Variants in ASNS observed in about 807,000 individuals in gnomAD.
The protein encoded by ASNS is asparagine synthetase (glutamine-hydrolyzing).
A neutral mutation model predicts 62.6 loss-of-function variants in ASNS; 37 were observed. The observed-to-expected ratio is 0.59, with a 90% CI of 0.45 to 0.78. The LOEUF is 0.78. Among genes scored for constraint, ASNS ranks in the 30% least tolerant of loss-of-function variants. The pLI is 0.00. For missense variants in ASNS, 520 were observed against 682.4 expected (o/e 0.76, Z 2.65); for synonymous variants, 207 against 237.9 (o/e 0.87, Z 1.19).
chr7:97,917,699 C>T, the ASNS span, among the ~76,000 whole-genome samples: 1 of 152,214 alleles, frequency 6.6e-6, no homozygotes, highest in Non-Finnish European at 1.5e-5. Context: ...TAGTCTCTGA[C>T]CCTGACACTC....
At chr7:97,871,242 G>C (rs1165867036) in intron 1 of ASNS, among the ~76,000 whole-genome samples, 1 of 152,180 alleles carries the variant, frequency 6.6e-6, no homozygotes, top group African/African-American at 2.4e-5. Flanking sequence ...ACAAAATCCA[G>C]TGTATTTAAC....
the ASNS span, among the ~76,000 whole-genome samples, chr7:97,905,219 C>T: frequency 0.027 from 4,130 of 152,290 alleles, 89 homozygotes; most frequent in Middle Eastern, 0.078. Context: ...CTCTTCACAA[C>T]CTCATGTTTC....
the ASNS span, among the ~76,000 whole-genome samples, chr7:97,907,110 A>G: frequency 6.6e-6 from 1 of 152,182 alleles, no homozygotes; most frequent in African/African-American, 2.4e-5. Context: ...ACATAACACT[A>G]ACCATCATGT....
the ASNS span, among the ~76,000 whole-genome samples, chr7:97,882,694 C>T: frequency 1.6e-4 from 24 of 152,044 alleles, no homozygotes; most frequent in East Asian, 5.8e-4. Flanking sequence ...GACTTCCCTC[C>T]GCCAAGCAGG....
intron 3 of ASNS, among the ~76,000 whole-genome samples, chr7:97,864,752 A>G (rs1236676127): frequency 6.6e-6 from 1 of 152,212 alleles, no homozygotes; most frequent in Non-Finnish European, 1.5e-5. Context: ...GTGCCAGAAC[A>G]GTAACCTGTG....
chr7:97,852,295 G>A lies in ASNS; in HGVS notation c.1650C>T (p.Arg550=), dbSNP rs1181178486. 1.2e-6 allele frequency: 2 copies of A among 1,614,150 alleles called. No homozygotes were observed. Among genetic ancestry groups the A allele is most frequent in the Non-Finnish European group, 1.7e-6 (2 of 1,180,024 alleles). The change falls in exon 13 of 13, where the codon CGC becomes CGT. Residue 550 remains arginine (R), a synonymous_variant. Coordinates refer to ENST00000394308, the MANE Select transcript of ASNS (RefSeq NM_001673.5). ...KWINATDPSA[R]TLTHYKSAVK... Reference sequence around the variant, plus strand: ...CAGCTGACTTGTAGTGGGTCAGCGTGCGGGCAGAAGGGTCAGTGGCATTGA... The same window carrying A: ...CAGCTGACTTGTAGTGGGTCAGCGTACGGGCAGAAGGGTCAGTGGCATTGA...
chr7:97,920,190 G>A, the ASNS span, among the ~76,000 whole-genome samples: 6,165 of 152,142 alleles, frequency 0.041, 293 homozygotes, highest in African/African-American at 0.11. Flanking sequence ...TTTTAGTAGA[G>A]ACAGGTTTTC....
At chr7:97,901,344 T>C in the ASNS span, among the ~76,000 whole-genome samples, 1 of 152,200 alleles carries the variant, frequency 6.6e-6, no homozygotes, top group Non-Finnish European at 1.5e-5. Flanking sequence ...TACATGTGCA[T>C]GCCACCATGC....
intron 3 of ASNS, among the ~76,000 whole-genome samples, chr7:97,864,825 A>G (rs1486182847): frequency 6.6e-6 from 1 of 152,166 alleles, no homozygotes; most frequent in Admixed American, 6.5e-5. Context: ...ATTTATATAT[A>G]TACAGATTGA....
chr7:97,922,030 C>T, the ASNS span, among the ~76,000 whole-genome samples: 2 of 152,128 alleles, frequency 1.3e-5, no homozygotes, highest in African/African-American at 4.8e-5. Flanking sequence ...AGGCACAAAA[C>T]GACAAATACC....
At chr7:97,884,417 A>T in the ASNS span, among the ~76,000 whole-genome samples, 3 of 152,030 alleles carry the variant, frequency 2.0e-5, no homozygotes, top group South Asian at 6.2e-4. Flanking sequence ...GGTGTGGTGG[A>T]TGGCACCTGT....
chr7:97,904,554 A>G, the ASNS span, among the ~76,000 whole-genome samples: 1 of 152,112 alleles, frequency 6.6e-6, no homozygotes, highest in African/African-American at 2.4e-5. Context: ...GAAGAATGCT[A>G]GAGAGTCTTG....
chr7:97,912,214 A>G, the ASNS span, among the ~76,000 whole-genome samples: 2 of 152,184 alleles, frequency 1.3e-5, no homozygotes, highest in South Asian at 4.1e-4. Context: ...CTCTGTCTCT[A>G]GAGATATTTC....
chr7:97,890,554 A>G, the ASNS span, among the ~76,000 whole-genome samples: 9 of 152,210 alleles, frequency 5.9e-5, no homozygotes, highest in African/African-American at 2.2e-4. Context: ...AAAAAATGTA[A>G]GCCAAAAATA....
chr7:97,852,946 T>C, intron 12 of ASNS, 114 bp downstream of exon 12: 1 of 997,812 alleles, frequency 1.0e-6, no homozygotes, highest in Non-Finnish European at 1.4e-6. Flanking sequence ...ACTAAATACA[T>C]GTATCATTCA....
chr7:97,855,283 T>C, intron 9 of ASNS, 70 bp downstream of exon 9: 1 of 1,121,772 alleles, frequency 8.9e-7, no homozygotes, highest in Non-Finnish European at 1.3e-6. Context: ...TGAAAGATGA[T>C]AGAAAATAGT....
chr7:97,869,255 A>T lies in ASNS; in HGVS notation c.-23-76T>A, dbSNP rs1792135903. 12 of 1,487,570 alleles carry T rather than the reference A, an allele frequency of 8.1e-6. 1 individual carries two copies. The South Asian group carries it at 1.5e-4, about 18-fold the overall frequency. 92.1% of individuals were successfully genotyped at this position (1,487,570 alleles called of 1,614,324 possible). A position where few individuals can be genotyped will look rare whatever the true frequency, so the allele number is the denominator to read the frequency against. On this transcript the variant is annotated intron_variant, in intron 2 of 12. Transcript: ENST00000394308. ...TCTGCATTAAATCTTGATTCCGGAA[A>T]CGTGCATAAACCACTTCAAAGACTA...
the ASNS span, among the ~76,000 whole-genome samples, chr7:97,912,022 A>G: frequency 6.6e-6 from 1 of 152,262 alleles, no homozygotes; most frequent in Non-Finnish European, 1.5e-5. Flanking sequence ...CATCTCTTGG[A>G]GAGGAGGAGA....
chr7:97,925,494 G>A, the ASNS span, among the ~76,000 whole-genome samples: 3 of 152,124 alleles, frequency 2.0e-5, no homozygotes, highest in African/African-American at 4.8e-5. Flanking sequence ...GCACCTAGAG[G>A]ATGGAGACCA....
Sources: allele counts gnomAD v4.1 joint callset (sites outside exome capture counted in the v4.1 genomes callset), GRCh38; gene constraint gnomAD v4.1.1; transcripts MANE v1.5; gene names NCBI Gene and HGNC (gene_info 2026-07-23, HGNC 2026-07-21).